The following TENM2 variants were observed in gnomAD, a reference collection of about 807,000 sequenced individuals.
TENM2 encodes teneurin transmembrane protein 2.
A neutral mutation model predicts 245.2 loss-of-function variants in TENM2; 52 were observed. The ratio of observed to expected loss-of-function variants is 0.21; its 90% CI spans 0.17 to 0.27. The LOEUF is 0.27. TENM2 is among the 10% of genes least tolerant of loss of function. TENM2 has a pLI of 1.00. For missense variants in TENM2, 3,046 were observed against 3,666.8 expected, an observed-to-expected ratio of 0.83 and a Z score of 4.37; for synonymous variants, 1,363 against 1,438.9, an observed-to-expected ratio of 0.95 and a Z score of 1.19.
chr5:167,184,378 A>G, the TENM2 span, among the ~76,000 whole-genome samples: 163 of 152,308 alleles, frequency 1.1e-3, no homozygotes, highest in African/African-American at 3.7e-3. Context: ...ACCTTATACC[A>G]AGTTAGGAAA....
chr5:167,673,576 C>T (rs1191087057), intron 2 of TENM2, among the ~76,000 whole-genome samples: 1 of 152,022 alleles, frequency 6.6e-6, no homozygotes, highest in Non-Finnish European at 1.5e-5. Flanking sequence ...ATTTAGCATA[C>T]CAAATGCTTG....
intron 2 of TENM2, among the ~76,000 whole-genome samples, chr5:167,641,180 A>G (rs1221172731): frequency 6.6e-6 from 1 of 151,990 alleles, no homozygotes; most frequent in East Asian, 1.9e-4. Flanking sequence ...ATGCATGTTT[A>G]TAGAAGTTCA....
intron 5 of TENM2, among the ~76,000 whole-genome samples, chr5:168,044,930 TAA>T (rs71593157): frequency 2.2e-5 from 3 of 137,358 alleles, no homozygotes; most frequent in South Asian, 4.6e-4. Context: ...AATGGCTGAT[TAA>T]AAAAAAAAAA....
intron 15 of TENM2, among the ~76,000 whole-genome samples, chr5:168,197,635 G>A (rs565336143): frequency 1.3e-4 from 20 of 151,276 alleles, no homozygotes; most frequent in Non-Finnish European, 2.9e-4. Flanking sequence ...AGGAGGTGGA[G>A]GTTGCAATAA....
chr5:167,187,307 G>A, the TENM2 span, among the ~76,000 whole-genome samples: 6 of 152,302 alleles, frequency 3.9e-5, no homozygotes, highest in Admixed American at 6.5e-5. Context: ...GGAAGACAGG[G>A]AATGGATAAT....
intron 2 of TENM2, among the ~76,000 whole-genome samples, chr5:167,421,629 C>G (rs564934396): frequency 6.6e-6 from 1 of 152,186 alleles, no homozygotes; most frequent in Admixed American, 6.5e-5. Flanking sequence ...GGCTCTTCCA[C>G]GTCCATTAGC....
intron 2 of TENM2, among the ~76,000 whole-genome samples, chr5:167,485,854 G>A (rs916855460): frequency 2.0e-5 from 3 of 152,062 alleles, no homozygotes; most frequent in Non-Finnish European, 2.9e-5. Context: ...ATGTAGAAAA[G>A]TATTGTCACT....
rs1434768660 is a variant in TENM2, at chr5:167,682,639, T to G, written c.503-193347T>G. ...ATTGGTGTTCCTTTTATATGGAGAT[T>G]CTTTGTTAACCGTTCGTATTTATAT... is the stretch of plus-strand genomic sequence containing the variant. On this transcript the variant is annotated intron_variant, in intron 2 of 28. Transcript: ENST00000518659. Among the ~76,000 whole-genome samples the G allele has an allele frequency of 3.3e-5, 5 of 152,274 alleles. No individual in the cohort carries two copies. In the East Asian group the frequency reaches 9.7e-4, roughly 29 times the overall value.
At chr5:167,457,881 A>G (rs1049464630) in intron 2 of TENM2, among the ~76,000 whole-genome samples, 11 of 152,216 alleles carry the variant, frequency 7.2e-5, no homozygotes, top group African/African-American at 2.4e-4. Flanking sequence ...GAGAGTTTTT[A>G]CTTTCCAGGA....
intron 1 of TENM2, among the ~76,000 whole-genome samples, chr5:167,369,474 T>C (rs1760273924): frequency 6.6e-6 from 1 of 152,140 alleles, no homozygotes; most frequent in Non-Finnish European, 1.5e-5. Flanking sequence ...ATAATTTTTC[T>C]TGACTTCATG....
the TENM2 span, among the ~76,000 whole-genome samples, chr5:167,059,147 A>G: frequency 6.6e-6 from 1 of 152,212 alleles, no homozygotes. Context: ...TGAATCAGAA[A>G]AGGTAACACT....
At chr5:167,724,202 C>G (rs573093379) in intron 2 of TENM2, among the ~76,000 whole-genome samples, 2 of 152,208 alleles carry the variant, frequency 1.3e-5, no homozygotes, top group African/African-American at 4.8e-5. Context: ...GTAGTACACC[C>G]GTTAGGCCTC....
exon 8 of TENM2, chr5:168,090,762 T>C: frequency 1.9e-6 from 3 of 1,613,594 alleles, no homozygotes; most frequent in Non-Finnish European, 2.5e-6. Context: ...TCAATACTGT[T>C]GTCCTAGGTA....
chr5:167,944,352 A>G (rs1779432152), intron 3 of TENM2, among the ~76,000 whole-genome samples: 2 of 151,990 alleles, frequency 1.3e-5, no homozygotes, highest in African/African-American at 4.8e-5. Flanking sequence ...TCGCCCTCAG[A>G]CATTCACATG....
intron 2 of TENM2, among the ~76,000 whole-genome samples, chr5:167,476,851 G>A (rs975145773): frequency 1.3e-5 from 2 of 152,082 alleles, no homozygotes; most frequent in Admixed American, 6.5e-5. Flanking sequence ...TGTCTGCCCT[G>A]GCCTCCCAAA....
At chr5:167,939,255 G>T (rs140933331) in intron 3 of TENM2, among the ~76,000 whole-genome samples, 2,299 of 152,328 alleles carry the variant, frequency 0.015, 39 homozygotes, top group Non-Finnish European at 0.02. Flanking sequence ...GCATGAGTTA[G>T]ATGCTCATAA....
intron 1 of TENM2, among the ~76,000 whole-genome samples, chr5:167,349,731 T>C (rs1382360364): frequency 2.0e-5 from 3 of 152,106 alleles, no homozygotes; most frequent in Non-Finnish European, 4.4e-5. Flanking sequence ...ATTTTGGTGA[T>C]TGTGTTAGTG....
chr5:167,446,677 G>A (rs756023820), intron 2 of TENM2, among the ~76,000 whole-genome samples: 14 of 117,648 alleles, frequency 1.2e-4, no homozygotes, highest in Non-Finnish European at 1.4e-4. Flanking sequence ...TAAAAGTTAT[G>A]GAGTAAACCT....
At chr5:167,615,221 G>A (rs551684803) in intron 2 of TENM2, among the ~76,000 whole-genome samples, 54 of 152,036 alleles carry the variant, frequency 3.6e-4, no homozygotes, top group Admixed American at 9.8e-4. Flanking sequence ...TATGGGGTGG[G>A]GTGAATTTTT....
Sources: allele counts gnomAD v4.1 joint callset (sites outside exome capture counted in the v4.1 genomes callset), GRCh38; gene constraint gnomAD v4.1.1; transcripts MANE v1.5; gene names NCBI Gene and HGNC (gene_info 2026-07-23, HGNC 2026-07-21).